The following ANK3 variants were observed in gnomAD, a reference collection of about 807,000 sequenced individuals.
ANK3 encodes ankyrin-3.
In ANK3, 57 loss-of-function variants were observed where a neutral mutation model predicts 370.9. That is an observed-to-expected ratio of 0.15 (90% CI 0.12 to 0.19). ANK3 has a LOEUF of 0.19. ANK3 is among the 10% of genes least tolerant of loss of function. The pLI is 1.00. For synonymous variants in ANK3, 1,929 were observed against 1,946.3 expected, an observed-to-expected ratio of 0.99 and a Z score of 0.23; for missense variants, 4,439 against 5,302.1, an observed-to-expected ratio of 0.84 and a Z score of 5.06.
At chr10:60,412,519 C>T (rs973890974) in intron 2 of ANK3, among the ~76,000 whole-genome samples, 12 of 152,146 alleles carry the variant, frequency 7.9e-5, no homozygotes, top group African/African-American at 2.9e-4. Flanking sequence ...CAGGACTTCT[C>T]AGCCTCCAAA....
At chr10:60,457,751 C>A (rs935793574) in intron 2 of ANK3, among the ~76,000 whole-genome samples, 17 of 152,186 alleles carry the variant, frequency 1.1e-4, no homozygotes, top group Admixed American at 9.2e-4. Flanking sequence ...CTAGGCTCTG[C>A]TTATTAAAGC....
chr10:60,262,633 T>C (rs2097824000), intron 6 of ANK3, among the ~76,000 whole-genome samples: 1 of 152,230 alleles, frequency 6.6e-6, no homozygotes, highest in South Asian at 2.1e-4. Context: ...GCATTTCTAA[T>C]TTGTTAGCAA....
chr10:60,421,335 A>T (rs571838784), intron 2 of ANK3, among the ~76,000 whole-genome samples: 25 of 152,188 alleles, frequency 1.6e-4, no homozygotes, highest in African/African-American at 5.8e-4. Context: ...ATTTTGTTAT[A>T]CATCTTTTAT....
intron 5 of ANK3, among the ~76,000 whole-genome samples, chr10:60,265,629 T>C (rs2097864518): frequency 6.6e-6 from 1 of 152,170 alleles, no homozygotes; most frequent in African/African-American, 2.4e-5. Context: ...ATTTGGGTCA[T>C]GATATTTTAT....
intron 1 of ANK3, among the ~76,000 whole-genome samples, chr10:60,673,551 C>A (rs1284528628): frequency 6.6e-6 from 1 of 152,036 alleles, no homozygotes; most frequent in African/African-American, 2.4e-5. Flanking sequence ...GGGGTTCCAC[C>A]ATGTTGACCA....
chr10:60,059,291 T>A (rs10733757), intron 41 of ANK3, 49 bp downstream of exon 41: 120 of 1,481,136 alleles, frequency 8.1e-5, no homozygotes, highest in Admixed American at 1.5e-4. Context: ...TAAGATAAAC[T>A]ATTAACAAGT....
intron 35 of ANK3, among the ~76,000 whole-genome samples, chr10:60,080,823 A>G (rs2085029591): frequency 1.3e-5 from 2 of 152,174 alleles, no homozygotes; most frequent in Non-Finnish European, 2.9e-5. Context: ...CCAACACAGC[A>G]GACTACAGGG....
Position 60,027,282 on chromosome 10 carries a change from G to GAA in ANK3, c.*2562_*2563dup, listed in dbSNP as rs1329854743. The stretch of plus-strand genomic sequence containing the variant: ...CTGGCTTTACAGAGAGGCATTTTGG[G>GAA]AAAGTTTTTTTTTTTTTTTTTTTTT... On this transcript the variant is annotated 3_prime_UTR_variant, in exon 44 of 44. Coordinates refer to ENST00000280772, the MANE Select transcript of ANK3 (RefSeq NM_020987.5). The GAA allele has an allele frequency of 7.8e-6, 1 of 128,498 alleles. No homozygotes were observed. Among genetic ancestry groups the GAA allele is most frequent in the Non-Finnish European group, 1.7e-5 (1 of 59,396 alleles). The allele number at this position is 128,498 out of a possible 1,614,324, so 8.0% of individuals were successfully genotyped here.
At chr10:60,443,790 T>C (rs1159462478) in intron 2 of ANK3, among the ~76,000 whole-genome samples, 10 of 152,296 alleles carry the variant, frequency 6.6e-5, no homozygotes, top group Admixed American at 4.6e-4. Flanking sequence ...TTCTTCCTAC[T>C]CTTCAAAGCT....
intron 42 of ANK3, among the ~76,000 whole-genome samples, chr10:60,046,300 TG>T (rs917958003): frequency 2.4e-4 from 36 of 152,294 alleles, no homozygotes; most frequent in African/African-American, 7.5e-4. Flanking sequence ...TAAAAAGTAA[TG>T]AAAGTTTTCC....
At chr10:60,668,398 G>C (rs922276162) in intron 1 of ANK3, among the ~76,000 whole-genome samples, 1 of 151,470 alleles carries the variant, frequency 6.6e-6, no homozygotes. Flanking sequence ...TAGTACTTAA[G>C]GGGCACAGCA....
At chr10:60,281,924 A>G (rs899466388) in intron 1 of ANK3, among the ~76,000 whole-genome samples, 13 of 152,370 alleles carry the variant, frequency 8.5e-5, no homozygotes, top group African/African-American at 2.9e-4. Flanking sequence ...TAAAAGTTCA[A>G]CTTAAACAAA....
chr10:60,599,014 G>A (rs2078025589), intron 2 of ANK3, among the ~76,000 whole-genome samples: 1 of 152,062 alleles, frequency 6.6e-6, no homozygotes, highest in African/African-American at 2.4e-5. Flanking sequence ...TTGCAGCCTT[G>A]ACGTCCTGGG....
chr10:60,315,434 A>G (rs904456105), intron 1 of ANK3, among the ~76,000 whole-genome samples: 2 of 152,144 alleles, frequency 1.3e-5, no homozygotes, highest in Non-Finnish European at 2.9e-5. Context: ...AGAACCCAAG[A>G]AGAAGTTGGG....
At position 60,027,302 on chromosome 10, in the gene ANK3, TTTTTTA is replaced by T. The variant is rs1210298767; in HGVS notation, c.*2538_*2543del. 1 of 149,700 alleles carries T rather than the reference TTTTTTA, an allele frequency of 6.7e-6. No homozygotes were observed. Among genetic ancestry groups the T allele is most frequent in the African/African-American group, 2.5e-5 (1 of 40,484 alleles). The allele number at this position is 149,700 out of a possible 1,614,324, so 9.3% of individuals were successfully genotyped here. Reference sequence around the variant, plus strand: ...TTTGGGAAAGTTTTTTTTTTTTTTTTTTTTTAAAAAAAAAACCTCTCAAGGGTCTAA... The same window carrying T: ...TTTGGGAAAGTTTTTTTTTTTTTTTTAAAAAAAAACCTCTCAAGGGTCTAA... On this transcript the variant is annotated 3_prime_UTR_variant, in exon 44 of 44. Coordinates refer to ENST00000280772, the MANE Select transcript of ANK3 (RefSeq NM_020987.5).
chr10:60,389,852 T>C lies in ANK3; in HGVS notation c.-314A>G. ...GAAGCTGTATTATGGCTGTATCCCC[T>C]GCCACCAGCTGGAAGTGTCTAAGTG... is the stretch of plus-strand genomic sequence containing the variant. On this transcript the variant is annotated 5_prime_UTR_variant, in exon 1 of 44. Transcript: ENST00000280772. 1 of 1,079,452 alleles carries C rather than the reference T, an allele frequency of 9.3e-7. No individual in the cohort carries two copies. The highest frequency in any genetic ancestry group is 1.1e-6 in the Non-Finnish European group (1 of 890,896). 66.9% of individuals were successfully genotyped at this position (1,079,452 alleles called of 1,614,324 possible).
intron 2 of ANK3, among the ~76,000 whole-genome samples, chr10:60,395,394 C>A (rs959130084): frequency 2.6e-5 from 4 of 152,162 alleles, no homozygotes; most frequent in African/African-American, 9.7e-5. Context: ...AAATTAGATG[C>A]ATGACTTACA....
intron 1 of ANK3, among the ~76,000 whole-genome samples, chr10:60,320,786 TA>T (rs1308933706): frequency 6.6e-6 from 1 of 152,130 alleles, no homozygotes. Context: ...CACACCAGTA[TA>T]AAATACCACC....
At chr10:60,335,024 AC>A (rs1366733170) in intron 1 of ANK3, among the ~76,000 whole-genome samples, 2 of 152,150 alleles carry the variant, frequency 1.3e-5, no homozygotes, top group East Asian at 1.9e-4. Flanking sequence ...TCAAGGAGAC[AC>A]TTGACACTGG....
Sources: allele counts gnomAD v4.1 joint callset (sites outside exome capture counted in the v4.1 genomes callset), GRCh38; gene constraint gnomAD v4.1.1; transcripts MANE v1.5; gene names NCBI Gene and HGNC (gene_info 2026-07-23, HGNC 2026-07-21).